Variants in LRRC4C observed in about 807,000 individuals in gnomAD.
LRRC4C encodes leucine-rich repeat-containing protein 4C.
In LRRC4C, 5 loss-of-function variants were observed where a neutral mutation model predicts 33.6. The ratio of observed to expected loss-of-function variants is 0.15; its 90% CI spans 0.08 to 0.31. LRRC4C has a LOEUF of 0.31. Ranked by LOEUF, LRRC4C falls within the 10% of genes least tolerant of loss-of-function variation. The pLI is 1.00. For synonymous variants in LRRC4C, 329 were observed against 302.0 expected, an observed-to-expected ratio of 1.09 and a Z score of -0.93; for missense variants, 560 against 796.7, an observed-to-expected ratio of 0.70 and a Z score of 3.58.
At chr11:40,979,298 G>A (rs375813) in intron 1 of LRRC4C, among the ~76,000 whole-genome samples, 3,231 of 152,088 alleles carry the variant, frequency 0.021, 135 homozygotes, top group African/African-American at 0.075. Flanking sequence ...AAACTCTAGG[G>A]CCTAATATAT....
chr11:41,302,576 T>C (rs1440175595), intron 1 of LRRC4C, among the ~76,000 whole-genome samples: 1 of 151,954 alleles, frequency 6.6e-6, no homozygotes, highest in Non-Finnish European at 1.5e-5. Flanking sequence ...TTCCGATAAA[T>C]TGCCTATTAA....
At chr11:40,286,713 C>G (rs1943865186) in intron 4 of LRRC4C, among the ~76,000 whole-genome samples, 1 of 152,124 alleles carries the variant, frequency 6.6e-6, no homozygotes, top group Non-Finnish European at 1.5e-5. Context: ...CATTTTATTG[C>G]TCCCAAAATA....
chr11:40,191,416 T>C (rs1258794169), intron 5 of LRRC4C, among the ~76,000 whole-genome samples: 1 of 152,228 alleles, frequency 6.6e-6, no homozygotes, highest in Non-Finnish European at 1.5e-5. Context: ...AACTTCTTTG[T>C]GCCTCAGTGT....
chr11:40,447,767 A>G (rs1255767816), intron 3 of LRRC4C, among the ~76,000 whole-genome samples: 4 of 151,452 alleles, frequency 2.6e-5, no homozygotes. Context: ...TTCACTGTAG[A>G]GCTTAACTGC....
chr11:41,336,876 A>T (rs545414861), intron 1 of LRRC4C, among the ~76,000 whole-genome samples: 1 of 152,234 alleles, frequency 6.6e-6, no homozygotes, highest in African/African-American at 2.4e-5. Flanking sequence ...CATCTCATTT[A>T]ATCCTTAAAA....
At chr11:41,044,826 G>T (rs1427036367) in intron 1 of LRRC4C, among the ~76,000 whole-genome samples, 1 of 152,072 alleles carries the variant, frequency 6.6e-6, no homozygotes, top group Admixed American at 6.6e-5. Flanking sequence ...ATTGTTGAAA[G>T]TACTTGCATC....
At chr11:40,386,582 G>A (rs1949120487) in intron 3 of LRRC4C, among the ~76,000 whole-genome samples, 1 of 152,150 alleles carries the variant, frequency 6.6e-6, no homozygotes, top group Admixed American at 6.5e-5. Flanking sequence ...ACGCATTGAA[G>A]AGGATATTTG....
chr11:40,664,454 A>G (rs1943607667), intron 2 of LRRC4C, among the ~76,000 whole-genome samples: 1 of 152,110 alleles, frequency 6.6e-6, no homozygotes, highest in Admixed American at 6.5e-5. Flanking sequence ...ATGAGGCAGG[A>G]GAATCGCTTG....
intron 1 of LRRC4C, among the ~76,000 whole-genome samples, chr11:41,102,733 C>T (rs549252084): frequency 2.0e-5 from 3 of 151,998 alleles, no homozygotes; most frequent in East Asian, 3.9e-4. Flanking sequence ...AGAGGAAGTG[C>T]GCTCACTGGA....
chr11:40,415,145 A>T lies in LRRC4C; in HGVS notation c.-269-95424T>A, dbSNP rs143914466. Among the ~76,000 whole-genome samples, 315 of 152,260 alleles carry T rather than the reference A, an allele frequency of 2.1e-3. 5 individuals are homozygous for T. The East Asian group carries it at 0.029, about 14-fold the overall frequency. On this transcript the variant is annotated intron_variant, in intron 3 of 6. Transcript: ENST00000528697. Reference sequence around the variant, plus strand: ...CTGACCTCGTGCCGTTTGTGGCTTAATTATGGAGGCATATGTTAAACACCT... The same window carrying T: ...CTGACCTCGTGCCGTTTGTGGCTTATTTATGGAGGCATATGTTAAACACCT...
At chr11:40,494,033 G>A (rs186562907) in intron 3 of LRRC4C, among the ~76,000 whole-genome samples, 7 of 151,968 alleles carry the variant, frequency 4.6e-5, no homozygotes, top group East Asian at 1.9e-4. Context: ...CTCTATCCCC[G>A]CTAAGCCACG....
intron 5 of LRRC4C, among the ~76,000 whole-genome samples, chr11:40,169,413 G>C (rs1859860273): frequency 6.6e-6 from 1 of 152,110 alleles, no homozygotes. Flanking sequence ...TGAAATTTTT[G>C]AGGTATAAAT....
intron 1 of LRRC4C, among the ~76,000 whole-genome samples, chr11:41,426,719 G>T (rs567574934): frequency 8.3e-4 from 126 of 152,184 alleles, no homozygotes; most frequent in African/African-American, 2.9e-3. Flanking sequence ...ATTTTCCAAG[G>T]TTCTCTTGGT....
intron 1 of LRRC4C, among the ~76,000 whole-genome samples, chr11:41,085,833 G>A (rs539731271): frequency 2.1e-5 from 3 of 144,330 alleles, no homozygotes; most frequent in East Asian, 4.2e-4. Flanking sequence ...GGATTTTTTC[G>A]ATAACTGGCA....
chr11:40,337,582 AAGTTTTAAATAAAGATAAC>A (rs759677789), intron 3 of LRRC4C, among the ~76,000 whole-genome samples: 122 of 152,322 alleles, frequency 8.0e-4, no homozygotes, highest in Middle Eastern at 3.4e-3. Context: ...ACATGGACAA[AAGTTTTAAATAAAGATAAC>A]AGTTTTAAAT....
chr11:40,488,554 T>C (rs768041230), intron 3 of LRRC4C, among the ~76,000 whole-genome samples: 26 of 152,178 alleles, frequency 1.7e-4, no homozygotes, highest in Non-Finnish European at 5.9e-5. Context: ...GGTCCTTGTC[T>C]AGTATTTTAT....
intron 2 of LRRC4C, among the ~76,000 whole-genome samples, chr11:40,656,415 C>T (rs1459455047): frequency 6.6e-6 from 1 of 151,680 alleles, no homozygotes; most frequent in Non-Finnish European, 1.5e-5. Context: ...ACAGAGAGGC[C>T]ACCTGATATT....
At chr11:41,442,533 A>G (rs1438466915) in intron 1 of LRRC4C, among the ~76,000 whole-genome samples, 270 of 126,654 alleles carry the variant, frequency 2.1e-3, no homozygotes, top group African/African-American at 7.8e-3. Context: ...GCAGTGGCAC[A>G]ATCTCGGCTC....
chr11:41,154,214 C>G (rs758962946), intron 1 of LRRC4C, among the ~76,000 whole-genome samples: 2 of 152,124 alleles, frequency 1.3e-5, no homozygotes, highest in Non-Finnish European at 2.9e-5. Flanking sequence ...AAAAGAGATT[C>G]ATCATTCTAC....
Sources: allele counts gnomAD v4.1 joint callset (sites outside exome capture counted in the v4.1 genomes callset), GRCh38; gene constraint gnomAD v4.1.1; transcripts MANE v1.5; gene names NCBI Gene and HGNC (gene_info 2026-07-23, HGNC 2026-07-21).